Variants in UGT2B28 observed in about 807,000 individuals in gnomAD.
UGT2B28 encodes the protein UDP glucuronosyltransferase family 2 member B28.
In UGT2B28, 45 loss-of-function variants were observed where a neutral mutation model predicts 43.6. That is an observed-to-expected ratio of 1.03 (90% CI 0.81 to 1.32). The LOEUF is 1.32. UGT2B28 is among the 40% of genes most tolerant of loss of function. The pLI is 0.00. For synonymous variants in UGT2B28, 204 were observed against 208.1 expected (o/e 0.98, Z 0.17); for missense variants, 649 against 625.5 (o/e 1.04, Z -0.40).
At position 69,292,891 on chromosome 4, in the gene UGT2B28, A is replaced by C. The variant is rs538769339; in HGVS notation, c.1311-1639A>C. On this transcript the variant is annotated intron_variant, in intron 5 of 5. Coordinates refer to ENST00000335568, the MANE Select transcript of UGT2B28 (RefSeq NM_053039.2). The stretch of plus-strand genomic sequence containing the variant: ...AAAAAATACACTTCAAAAAAATTTA[A>C]AGTCAAGAAGTAAATCATAATTATG... 1.8e-4 allele frequency among the ~76,000 whole-genome samples: 26 copies of C among 140,652 alleles called. 5 individuals are homozygous for C. Among genetic ancestry groups the C allele is most frequent in the African/African-American group, 5.8e-4 (21 of 36,232 alleles). The allele number at this position is 140,652 out of a possible 152,430, so 92.3% of individuals were successfully genotyped here.
intron 1 of UGT2B28, among the ~76,000 whole-genome samples, chr4:69,282,204 T>G (rs1723633875): frequency 7.2e-6 from 1 of 139,688 alleles, no homozygotes; most frequent in Non-Finnish European, 1.5e-5. Flanking sequence ...ATTGAAGCTT[T>G]AAAGAGAAAA....
intron 2 of UGT2B28, among the ~76,000 whole-genome samples, chr4:69,283,269 C>G (rs1723674917): frequency 7.2e-6 from 1 of 138,494 alleles, no homozygotes; most frequent in African/African-American, 2.8e-5. Context: ...CTCAAGTCCT[C>G]AGGTTTTGTT....
At chr4:69,289,794 C>A in intron 4 of UGT2B28, 42 bp downstream of exon 4, 2 of 1,441,108 alleles carry the variant, frequency 1.4e-6, no homozygotes, top group Non-Finnish European at 1.9e-6. Flanking sequence ...TTAGTAACTG[C>A]ACATTAGAAT....
At chr4:69,292,281 G>A (rs1391223860) in intron 5 of UGT2B28, among the ~76,000 whole-genome samples, 1 of 139,840 alleles carries the variant, frequency 7.2e-6, no homozygotes, top group Non-Finnish European at 1.5e-5. Flanking sequence ...GCGGAGTCCA[G>A]CTACCATCAA....
At position 69,293,785 on chromosome 4, in the gene UGT2B28, C is replaced by T. The variant is rs1239904249; in HGVS notation, c.1311-745C>T. Among the ~76,000 whole-genome samples the T allele has an allele frequency of 3.6e-5, 5 of 140,148 alleles. 1 individual carries two copies. The highest frequency in any genetic ancestry group is 7.6e-5 in the Non-Finnish European group (5 of 65,686). The allele number at this position is 140,148 out of a possible 152,430, so 91.9% of individuals were successfully genotyped here. On this transcript the variant is annotated intron_variant, in intron 5 of 5. Transcript: ENST00000335568. Reference sequence around the variant, plus strand: ...TCTTAAAATGTAGGGTTCTGTAGACCAAATAACAGAGTTGAATTTTATGAT... The same window carrying T: ...TCTTAAAATGTAGGGTTCTGTAGACTAAATAACAGAGTTGAATTTTATGAT...
In UGT2B28 at chr4:69,294,547, T is replaced by A; in HGVS notation, c.1328T>A (p.Met443Lys). 5.2e-6 allele frequency: 8 copies of A among 1,543,408 alleles called. 1 individual carries two copies. The highest frequency in any genetic ancestry group is 7.0e-6 in the Non-Finnish European group (8 of 1,148,372). The change falls in exon 6 of 6, where the codon ATG (methionine) becomes AAG (lysine). Residue 443 changes from methionine to lysine, a missense_variant. By Grantham distance (95) the Met-to-Lys change is moderately conservative. Coordinates refer to ENST00000335568, the MANE Select transcript of UGT2B28 (RefSeq NM_053039.2). ...TCCTTCAGATATAAAGAGAATGTTA[T>A]GAAATTATCAATAATTCAACATGAT... ...INDPSYKENVMKLSIIQHDQP... is the reference protein window; with the variant it reads ...INDPSYKENVKKLSIIQHDQP...
intron 2 of UGT2B28, among the ~76,000 whole-genome samples, chr4:69,284,786 T>C (rs1309258897): frequency 7.1e-6 from 1 of 140,674 alleles, no homozygotes; most frequent in South Asian, 2.4e-4. Context: ...CTAACACAGG[T>C]TGCTTTCTTT....
rs1192519160 is a variant in UGT2B28, at chr4:69,294,917, A to C, written c.*108A>C. ...CAAGATTTCTTTCTTCCTGTGACAAAAAAAAAAACTTTTCAAAATCTACCT... is the reference window on the plus strand; with the variant it reads ...CAAGATTTCTTTCTTCCTGTGACAACAAAAAAAACTTTTCAAAATCTACCT... On this transcript the variant is annotated 3_prime_UTR_variant, in exon 6 of 6. Coordinates refer to ENST00000335568, the MANE Select transcript of UGT2B28 (RefSeq NM_053039.2). The C allele has an allele frequency of 7.5e-7, 1 of 1,337,878 alleles. No homozygotes were observed. The highest frequency in any genetic ancestry group is 9.7e-7 in the Non-Finnish European group (1 of 1,035,094). The allele number at this position is 1,337,878 out of a possible 1,614,324, so 82.9% of individuals were successfully genotyped here.
In UGT2B28 at chr4:69,294,673, G is replaced by T; in HGVS notation, c.1454G>T (p.Trp485Leu). Reference protein sequence around the residue: ...HLRVAARDLTWFQYHSLDVIG... With the variant: ...HLRVAARDLTLFQYHSLDVIG... ...CGAGTTGCAGCCCGTGACCTCACCT[G>T]GTTCCAGTACCACTCTTTGGATGTG... The change falls in exon 6 of 6, where the codon TGG (tryptophan) becomes TTG (leucine). Residue 485 changes from tryptophan (W) to leucine (L), a missense_variant. Physicochemically the swap from Trp to Leu is moderately conservative, Grantham distance 61. Coordinates refer to ENST00000335568, the MANE Select transcript of UGT2B28 (RefSeq NM_053039.2). 6.4e-7 allele frequency: 1 copy of T among 1,560,250 alleles called. No homozygotes were observed.
rs1043677671 is a variant in UGT2B28 at position 69,285,034 on chromosome 4, G to A, written c.871-1718G>A. On this transcript the variant is annotated intron_variant, in intron 2 of 5. Transcript: ENST00000335568. ...GAATGATTAAAATTTATTTGCATACGATAGCATTAAAATAATTTTATCAAT... is the reference window on the plus strand; with the variant it reads ...GAATGATTAAAATTTATTTGCATACAATAGCATTAAAATAATTTTATCAAT... Among the ~76,000 whole-genome samples, 7 of 139,240 alleles carry A rather than the reference G, an allele frequency of 5.0e-5. 1 individual carries two copies. Among genetic ancestry groups the A allele is most frequent in the African/African-American group, 8.4e-5 (3 of 35,578 alleles). 91.3% of individuals were successfully genotyped at this position (139,240 alleles called of 152,430 possible).
intron 2 of UGT2B28, among the ~76,000 whole-genome samples, chr4:69,283,279 T>G (rs1287878080): frequency 7.2e-6 from 1 of 139,232 alleles, no homozygotes; most frequent in Non-Finnish European, 1.5e-5. Flanking sequence ...CAGGTTTTGT[T>G]TTTAGGGAAT....
Position 69,284,109 on chromosome 4 carries a change from T to C in UGT2B28, c.870+1447T>C, listed in dbSNP as rs1362363555. Among the ~76,000 whole-genome samples, 3 of 140,250 alleles carry C rather than the reference T, an allele frequency of 2.1e-5. 1 individual carries two copies. The highest frequency in any genetic ancestry group is 8.3e-5 in the African/African-American group (3 of 35,964). 92.0% of individuals were successfully genotyped at this position (140,250 alleles called of 152,430 possible). On this transcript the variant is annotated intron_variant, in intron 2 of 5. Coordinates refer to ENST00000335568, the MANE Select transcript of UGT2B28 (RefSeq NM_053039.2). ...ATTAGAGCAGACGATGTCTGCCATATGACAAGCAACTCAGTAAAGCTTTCT... is the reference window on the plus strand; with the variant it reads ...ATTAGAGCAGACGATGTCTGCCATACGACAAGCAACTCAGTAAAGCTTTCT...
intron 2 of UGT2B28, among the ~76,000 whole-genome samples, chr4:69,285,608 A>G (rs1723751145): frequency 7.1e-6 from 1 of 141,394 alleles, no homozygotes; most frequent in Non-Finnish European, 1.5e-5. Flanking sequence ...ATATTTTAAA[A>G]AACGCTCTGC....
chr4:69,293,719 C>T lies in UGT2B28; in HGVS notation c.1311-811C>T, dbSNP rs1724020630. Among the ~76,000 whole-genome samples, 2 of 140,002 alleles carry T rather than the reference C, an allele frequency of 1.4e-5. 1 individual carries two copies. The highest frequency in any genetic ancestry group is 3.0e-5 in the Non-Finnish European group (2 of 65,692). The allele number at this position is 140,002 out of a possible 152,430, so 91.8% of individuals were successfully genotyped here. A position where few individuals can be genotyped will look rare whatever the true frequency, so the allele number is the denominator to read the frequency against. On this transcript the variant is annotated intron_variant, in intron 5 of 5. Transcript: ENST00000335568. ...AAAATTAGAAGGCCAATCTAGAAGA[C>T]AATGTGCAGGGGAAAAGTGTTAGAA...
Position 69,294,822 on chromosome 4 carries a change from T to G in UGT2B28, c.*13T>G. ...AAAAAGAGATTAGTTATGTCTGACA[T>G]TTGAAGCTGGAAAACCAGATAGATG... is the stretch of plus-strand genomic sequence containing the variant. On this transcript the variant is annotated 3_prime_UTR_variant, in exon 6 of 6. Coordinates refer to ENST00000335568, the MANE Select transcript of UGT2B28 (RefSeq NM_053039.2). The G allele has an allele frequency of 6.5e-7, 1 of 1,535,184 alleles. No individual in the cohort carries two copies. Among genetic ancestry groups the G allele is most frequent in the Non-Finnish European group, 8.7e-7 (1 of 1,144,316 alleles).
At position 69,291,615 on chromosome 4, in the gene UGT2B28, A is replaced by G. The variant is rs1356988798; in HGVS notation, c.1310+804A>G. 2.8e-5 allele frequency among the ~76,000 whole-genome samples: 4 copies of G among 140,704 alleles called. 1 individual carries two copies. The East Asian group carries it at 8.1e-4, about 28-fold the overall frequency. 92.3% of individuals were successfully genotyped at this position (140,704 alleles called of 152,430 possible). ...TTGTGTAATATTTTATAGTATGGATATGTCATAATTTAGTTGTTCATTTGT... is the reference window on the plus strand; with the variant it reads ...TTGTGTAATATTTTATAGTATGGATGTGTCATAATTTAGTTGTTCATTTGT... On this transcript the variant is annotated intron_variant, in intron 5 of 5. Coordinates refer to ENST00000335568, the MANE Select transcript of UGT2B28 (RefSeq NM_053039.2).
chr4:69,290,377 A>T lies in UGT2B28; in HGVS notation c.1091-215A>T, dbSNP rs114895656. ...GCACTTTTCATTAGTCCCGCTGAAA[A>T]TCTTGTATTCAGTTTTGCACCCTGA... is the stretch of plus-strand genomic sequence containing the variant. On this transcript the variant is annotated intron_variant, in intron 4 of 5. Transcript: ENST00000335568. 0.026 allele frequency among the ~76,000 whole-genome samples: 3,639 copies of T among 139,886 alleles called. 497 individuals carry two copies. The highest frequency in any genetic ancestry group is 0.078 in the Middle Eastern group (21 of 270). The allele number at this position is 139,886 out of a possible 152,430, so 91.8% of individuals were successfully genotyped here.
At position 69,289,682 on chromosome 4, in the gene UGT2B28, T is replaced by C. The variant is rs777806079; in HGVS notation, c.1020T>C (p.Asp340=). 7.1e-6 allele frequency: 11 copies of C among 1,556,808 alleles called. 1 individual carries two copies. The highest frequency in any genetic ancestry group is 6.1e-5 in the African/African-American group (4 of 65,970). ...TGTAACAGGTTCTGTGGAGATTTGA[T>C]GGGAATAAACCAGATGCCTTAGGTC... ...KIPQKVLWRF[D]GNKPDALGLN... Residue 340 remains aspartate (D), a synonymous_variant, in exon 4 of 6, where the codon GAT becomes GAC. Transcript: ENST00000335568.
Position 69,295,025 on chromosome 4 carries a change from G to A in UGT2B28, c.*216G>A. ...TCTGTGGCAATGAAGAAAACACTAG[G>A]GAAAATAAAAAATAATATAAAGCCA... On this transcript the variant is annotated 3_prime_UTR_variant, in exon 6 of 6. Transcript: ENST00000335568. 2.0e-6 allele frequency: 1 copy of A among 502,654 alleles called. No homozygotes were observed. The highest frequency in any genetic ancestry group is 4.7e-5 in the East Asian group (1 of 21,456). 31.1% of individuals were successfully genotyped at this position (502,654 alleles called of 1,614,324 possible).
Sources: gnomAD v4.1 joint callset for allele counts (sites outside exome capture counted in the v4.1 genomes callset) on GRCh38, gnomAD v4.1.1 for gene constraint, MANE v1.5 for transcripts, NCBI Gene and HGNC (gene_info 2026-07-23, HGNC 2026-07-21) for gene names.